The following METTL15 variants were observed in gnomAD, a reference collection of about 807,000 sequenced individuals.
METTL15 encodes methyltransferase 15, mitochondrial 12S rRNA N4-cytidine.
A neutral mutation model predicts 38.3 loss-of-function variants in METTL15; 34 were observed. The ratio of observed to expected loss-of-function variants is 0.89; its 90% CI spans 0.68 to 1.18. The LOEUF (loss-of-function observed/expected upper bound fraction) is 1.18, where lower values mean the gene tolerates loss of function less well. Among genes scored for constraint, METTL15 ranks in the 50% most tolerant of loss-of-function variants. The probability of loss-of-function intolerance (pLI) is 0.00; values close to 1 mark genes in which losing one functional copy is unlikely to be tolerated. For synonymous variants in METTL15, 162 were observed against 170.9 expected (o/e 0.95, Z 0.41); for missense variants, 438 against 498.4 (o/e 0.88, Z 1.15).
chr11:28,391,760 A>G (rs1040458760), intron 5 of METTL15, among the ~76,000 whole-genome samples: 2 of 152,338 alleles, frequency 1.3e-5, no homozygotes, highest in African/African-American at 2.4e-5. Flanking sequence ...CTGGCTAGCC[A>G]TATGTAGAAA....
At chr11:28,323,151 A>C (rs1325762575) in intron 6 of METTL15, among the ~76,000 whole-genome samples, 1 of 152,084 alleles carries the variant, frequency 6.6e-6, no homozygotes, top group East Asian at 1.9e-4. Context: ...AGTGACATTA[A>C]CTATTGACTT....
At chr11:28,214,227 T>C (rs1852769408) in intron 4 of METTL15, among the ~76,000 whole-genome samples, 1 of 151,846 alleles carries the variant, frequency 6.6e-6, no homozygotes, top group Admixed American at 6.6e-5. Flanking sequence ...AGAGATGAGG[T>C]CTCTCTATGT....
At position 28,438,870 on chromosome 11, in the gene METTL15, T is replaced by G. The variant is rs549375882; in HGVS notation, c.*424+14506T>G. On this transcript the variant is annotated intron_variant and NMD_transcript_variant, in intron 6 of 7. Coordinates refer to the METTL15 transcript ENST00000532947. ...TTGTATTTTAGTAGAGACGGGGGGG[T>G]TTCACCATGTTGGCCAGGCTGGTCT... 9.9e-3 allele frequency among the ~76,000 whole-genome samples: 1,483 copies of G among 150,314 alleles called. 13 individuals carry two copies. The highest frequency in any genetic ancestry group is 0.016 in the Non-Finnish European group (1,091 of 67,590).
intron 4 of METTL15, among the ~76,000 whole-genome samples, chr11:28,234,130 G>T (rs1392302979): frequency 1.3e-5 from 2 of 152,104 alleles, no homozygotes; most frequent in Non-Finnish European, 2.9e-5. Context: ...CAAAGGACAT[G>T]AACTCATCAT....
intron 3 of METTL15, among the ~76,000 whole-genome samples, chr11:28,167,753 T>C (rs1175729304): frequency 1.3e-5 from 2 of 151,652 alleles, no homozygotes; most frequent in African/African-American, 4.9e-5. Context: ...TACGAAAAAA[T>C]ATATAAATTT....
chr11:28,193,050 G>A (rs996066233), intron 3 of METTL15, among the ~76,000 whole-genome samples: 7 of 151,984 alleles, frequency 4.6e-5, no homozygotes, highest in African/African-American at 1.7e-4. Context: ...ATTAGTATAA[G>A]AAGACTAAAC....
chr11:28,390,260 T>C (rs1283673227), intron 5 of METTL15, among the ~76,000 whole-genome samples: 1 of 150,572 alleles, frequency 6.6e-6, no homozygotes, highest in East Asian at 2.0e-4. Flanking sequence ...ATTTTGGCTT[T>C]TGTTGCCATT....
At chr11:28,394,302 TA>T (rs1162604834) in intron 5 of METTL15, among the ~76,000 whole-genome samples, 5 of 152,098 alleles carry the variant, frequency 3.3e-5, no homozygotes, top group Non-Finnish European at 7.4e-5. Context: ...TAAGGGAAGT[TA>T]AGAAGGAGCA....
chr11:28,521,729 C>G (rs1851767072), intron 6 of METTL15, among the ~76,000 whole-genome samples: 3 of 152,026 alleles, frequency 2.0e-5, no homozygotes, highest in African/African-American at 7.2e-5. Flanking sequence ...TATTATTATC[C>G]TGGTTCCTTC....
intron 4 of METTL15, among the ~76,000 whole-genome samples, chr11:28,269,192 G>A (rs1016205642): frequency 5.9e-5 from 9 of 152,050 alleles, no homozygotes; most frequent in Non-Finnish European, 1.2e-4. Context: ...TATTCTACTG[G>A]AAACCATTAG....
intron 3 of METTL15, among the ~76,000 whole-genome samples, chr11:28,349,533 C>T (rs1289823198): frequency 1.3e-5 from 2 of 152,210 alleles, no homozygotes; most frequent in Non-Finnish European, 2.9e-5. Flanking sequence ...AAGCAAGTAT[C>T]AGGTTTAGAG....
rs544721623 is a variant in METTL15, at chr11:28,225,308, G to A, written c.407+14110G>A. ...TATAATATTTTCAATTCCATTTTGC[G>A]TTCCTTATGTGGGTTCATGTCTCAG... is the stretch of plus-strand genomic sequence containing the variant. On this transcript the variant is annotated intron_variant, in intron 4 of 6. Transcript: ENST00000407364. Among the ~76,000 whole-genome samples, 13 of 151,624 alleles carry A rather than the reference G, an allele frequency of 8.6e-5. No homozygotes were observed. In the East Asian group the frequency reaches 2.1e-3, roughly 25 times the overall value.
chr11:28,359,273 T>G (rs571357001), intron 4 of METTL15, among the ~76,000 whole-genome samples: 1 of 152,350 alleles, frequency 6.6e-6, no homozygotes, highest in African/African-American at 2.4e-5. Context: ...GTCATTATTT[T>G]TATGGCTACA....
chr11:28,184,955 A>G (rs1851439927), intron 3 of METTL15, among the ~76,000 whole-genome samples: 1 of 151,510 alleles, frequency 6.6e-6, no homozygotes, highest in Non-Finnish European at 1.5e-5. Flanking sequence ...TAAAGGAAAT[A>G]TATTGAAAGT....
In METTL15 at chr11:28,388,690, T is replaced by C. The variant is rs781419494; in HGVS notation, c.*358+26654T>C. On this transcript the variant is annotated intron_variant and NMD_transcript_variant, in intron 5 of 7. Transcript: ENST00000532947. Reference sequence around the variant, plus strand: ...AAATCACAATGACACTTTTCTTTTTTTTTATTATACTTTAACTTTTAGGGG... The same window carrying C: ...AAATCACAATGACACTTTTCTTTTTCTTTATTATACTTTAACTTTTAGGGG... Among the ~76,000 whole-genome samples the C allele has an allele frequency of 4.6e-5, 7 of 152,272 alleles. No individual in the cohort carries two copies. In the South Asian group the frequency reaches 1.2e-3, roughly 27 times the overall value.
chr11:28,131,044 C>T lies in METTL15; in HGVS notation c.270+17440C>T, dbSNP rs192323691. Among the ~76,000 whole-genome samples, 1,102 of 152,140 alleles carry T rather than the reference C, an allele frequency of 7.2e-3. 14 individuals are homozygous for T. The highest frequency in any genetic ancestry group is 8.8e-3 in the Non-Finnish European group (597 of 68,010). ...CAGGATATCCACCATTCCTGTAGCT[C>T]ACCCATTAAGTGCTAGTGGCATCCT... On this transcript the variant is annotated intron_variant, in intron 3 of 6. Transcript: ENST00000407364.
chr11:28,310,046 C>A (rs1404382084), intron 6 of METTL15, among the ~76,000 whole-genome samples: 2 of 150,064 alleles, frequency 1.3e-5, no homozygotes, highest in Non-Finnish European at 3.0e-5. Flanking sequence ...ATTTAATAGA[C>A]CCCCCCATCA....
chr11:28,243,623 A>G (rs1185609485), intron 4 of METTL15, among the ~76,000 whole-genome samples: 1 of 152,166 alleles, frequency 6.6e-6, no homozygotes, highest in Non-Finnish European at 1.5e-5. Flanking sequence ...ATTTCAAATT[A>G]AGAGTAGCAT....
chr11:28,281,981 T>C (rs1388164455), intron 4 of METTL15, among the ~76,000 whole-genome samples: 3 of 152,218 alleles, frequency 2.0e-5, no homozygotes, highest in African/African-American at 7.2e-5. Context: ...CTAAAATATA[T>C]TTTGTTAAAG....
Sources: gnomAD v4.1 joint callset for allele counts (sites outside exome capture counted in the v4.1 genomes callset) on GRCh38, gnomAD v4.1.1 for gene constraint, MANE v1.5 for transcripts, NCBI Gene and HGNC (gene_info 2026-07-23, HGNC 2026-07-21) for gene names.